CTIF: variants seen among roughly 807,000 people sequenced by gnomAD.
The protein encoded by CTIF is CBP80/20-dependent translation initiation factor.
A neutral mutation model predicts 66.0 loss-of-function variants in CTIF; 21 were observed. The observed-to-expected ratio is 0.32, with a 90% CI of 0.23 to 0.46. The LOEUF (loss-of-function observed/expected upper bound fraction) is 0.46, where lower values mean the gene tolerates loss of function less well. CTIF is among the 20% of genes least tolerant of loss of function. The pLI, the probability that CTIF is intolerant of heterozygous loss-of-function variation, is 1.00. For missense variants in CTIF, 739 were observed against 812.7 expected (o/e 0.91, Z 1.10); for synonymous variants, 345 against 326.4 (o/e 1.06, Z -0.62).
intron 10 of CTIF, among the ~76,000 whole-genome samples, chr18:48,843,122 G>GCCCAAACTATCCCCTGTCTC (rs1186952484): frequency 2.0e-5 from 3 of 150,176 alleles, no homozygotes; most frequent in Non-Finnish European, 4.4e-5. Context: ...GCCCCTGGCT[G>GCCCAAACTATCCCCTGTCTC]CCCAAACTAT....
intron 3 of CTIF, among the ~76,000 whole-genome samples, chr18:48,654,791 A>G (rs893271432): frequency 5.3e-5 from 8 of 152,210 alleles, no homozygotes; most frequent in Non-Finnish European, 7.3e-5. Flanking sequence ...ATACTATGCA[A>G]CCATAAAAAA....
chr18:48,710,730 C>G (rs2092214093), intron 6 of CTIF, among the ~76,000 whole-genome samples: 1 of 152,176 alleles, frequency 6.6e-6, no homozygotes, highest in African/African-American at 2.4e-5. Flanking sequence ...ACGCAAAAGA[C>G]TATCCTTAGA....
chr18:48,662,647 G>C (rs2091366138), intron 3 of CTIF: 1 of 151,564 alleles, frequency 6.6e-6, no homozygotes, highest in Non-Finnish European at 1.5e-5. Flanking sequence ...GTTAATCAAA[G>C]CTGCTCGCTC....
In CTIF at chr18:48,631,197, G is replaced by T. The variant is rs576979617; in HGVS notation, c.181-5417G>T. Among the ~76,000 whole-genome samples the T allele has an allele frequency of 4.6e-5, 7 of 152,332 alleles. 1 individual carries two copies. Among genetic ancestry groups the T allele is most frequent in the African/African-American group, 2.4e-5 (1 of 41,578 alleles). ...CATAAAACACTGGCCGGGTGTGGTG[G>T]CTCCCACCTGTAATCCTAGCACTTG... On this transcript the variant is annotated intron_variant, in intron 2 of 11. Transcript: ENST00000256413.
intron 1 of CTIF, among the ~76,000 whole-genome samples, chr18:48,592,518 A>G (rs2089908740): frequency 6.6e-6 from 1 of 151,720 alleles, no homozygotes; most frequent in South Asian, 2.1e-4. Flanking sequence ...AAAAAAGAAA[A>G]AGAAAAAGAA....
intron 1 of CTIF, among the ~76,000 whole-genome samples, chr18:48,548,331 A>C (rs2088804391): frequency 2.6e-5 from 4 of 152,146 alleles, no homozygotes; most frequent in African/African-American, 9.7e-5. Flanking sequence ...ACACGTTTGA[A>C]CCATGAGATC....
At chr18:48,568,002 A>G (rs529326955) in intron 1 of CTIF, 26 of 152,208 alleles carry the variant, frequency 1.7e-4, no homozygotes, top group Non-Finnish European at 3.5e-4. Flanking sequence ...AGGGTTGTGA[A>G]TAAATCACTC....
chr18:48,727,239 G>C (rs1300101721), intron 7 of CTIF, among the ~76,000 whole-genome samples: 5 of 152,132 alleles, frequency 3.3e-5, no homozygotes, highest in Admixed American at 3.3e-4. Flanking sequence ...GCAGATATTG[G>C]AAGTTTCTTG....
chr18:48,570,031 A>G (rs1387502571), intron 1 of CTIF, among the ~76,000 whole-genome samples: 2 of 152,346 alleles, frequency 1.3e-5, no homozygotes, highest in East Asian at 3.9e-4. Flanking sequence ...TCAACCTGCA[A>G]ACATTTTACC....
At chr18:48,663,868 C>T (rs954200111) in intron 4 of CTIF, 43 bp downstream of exon 4, 7 of 1,573,182 alleles carry the variant, frequency 4.4e-6, no homozygotes, top group African/African-American at 1.3e-5. Context: ...GAGGTCCAGC[C>T]GGGGAAACTG....
chr18:48,619,254 G>T (rs946506861), intron 1 of CTIF, among the ~76,000 whole-genome samples: 12 of 152,330 alleles, frequency 7.9e-5, no homozygotes, highest in East Asian at 5.8e-4. Flanking sequence ...TTAAGGCCTA[G>T]GTAGACACTA....
intron 6 of CTIF, among the ~76,000 whole-genome samples, chr18:48,694,564 G>A (rs1388178455): frequency 6.6e-6 from 1 of 152,218 alleles, no homozygotes; most frequent in Non-Finnish European, 1.5e-5. Context: ...CGTCAGCAGG[G>A]CCACTATTGC....
intron 9 of CTIF, among the ~76,000 whole-genome samples, chr18:48,797,103 G>T (rs1219512525): frequency 6.6e-6 from 1 of 152,172 alleles, no homozygotes; most frequent in Non-Finnish European, 1.5e-5. Context: ...ATTTCCCAGA[G>T]CACTACCCTA....
At chr18:48,739,597 C>T (rs985538374) in intron 7 of CTIF, among the ~76,000 whole-genome samples, 3 of 152,218 alleles carry the variant, frequency 2.0e-5, no homozygotes, top group African/African-American at 7.2e-5. Context: ...CACAGGGCAG[C>T]AGTGGAGACT....
At chr18:48,787,388 A>G (rs977856577) in intron 9 of CTIF, among the ~76,000 whole-genome samples, 4 of 152,106 alleles carry the variant, frequency 2.6e-5, no homozygotes, top group African/African-American at 9.7e-5. Context: ...GAAGGGAGAG[A>G]AGGAGGAAGG....
chr18:48,743,012 TATTTA>T (rs1052489830), intron 7 of CTIF, among the ~76,000 whole-genome samples: 5 of 152,216 alleles, frequency 3.3e-5, no homozygotes, highest in Non-Finnish European at 7.3e-5. Flanking sequence ...CTTAGTCAAA[TATTTA>T]ATTTTTTACC....
chr18:48,738,826 T>C (rs2092528011), intron 7 of CTIF, among the ~76,000 whole-genome samples: 1 of 152,196 alleles, frequency 6.6e-6, no homozygotes, highest in Admixed American at 6.5e-5. Flanking sequence ...GAGTAAATGC[T>C]CACTAAACCA....
At chr18:48,545,372 A>C (rs2088721157) in intron 1 of CTIF, among the ~76,000 whole-genome samples, 1 of 151,610 alleles carries the variant, frequency 6.6e-6, no homozygotes, top group African/African-American at 2.4e-5. Flanking sequence ...CGGCCATGGG[A>C]CTGGTGAGGC....
At chr18:48,657,660 G>A (rs1598815668) in intron 3 of CTIF, among the ~76,000 whole-genome samples, 1 of 152,162 alleles carries the variant, frequency 6.6e-6, no homozygotes, top group Non-Finnish European at 1.5e-5. Context: ...TTCACAGGGT[G>A]TGGGCTGCTG....
Sources: gnomAD v4.1 joint callset for allele counts (sites outside exome capture counted in the v4.1 genomes callset) on GRCh38, gnomAD v4.1.1 for gene constraint, MANE v1.5 for transcripts, NCBI Gene and HGNC (gene_info 2026-07-23, HGNC 2026-07-21) for gene names.